The following NPAS2 variants were observed in gnomAD, a reference collection of about 807,000 sequenced individuals.
NPAS2 encodes neuronal PAS domain-containing protein 2.
A neutral mutation model predicts 107.5 loss-of-function variants in NPAS2; 23 were observed. The ratio of observed to expected loss-of-function variants is 0.21; its 90% CI spans 0.15 to 0.30. The LOEUF (loss-of-function observed/expected upper bound fraction) is 0.30, where lower values mean the gene tolerates loss of function less well. NPAS2 is among the 10% of genes least tolerant of loss of function. The pLI is 1.00. For missense variants in NPAS2, 756 were observed against 1,043.3 expected (o/e 0.72, Z 3.79); for synonymous variants, 403 against 417.5 (o/e 0.97, Z 0.42).
chr2:100,977,331 C>T lies in NPAS2; in HGVS notation c.1393-379C>T, dbSNP rs189395414. ...GCAGCTCATGGTAGCAGTCCACGCA[C>T]GTCGTCCTGCTTGATGACACCGCTA... On this transcript the variant is annotated intron_variant, in intron 14 of 20. Coordinates refer to ENST00000335681, the MANE Select transcript of NPAS2 (RefSeq NM_002518.4). Among the ~76,000 whole-genome samples the T allele has an allele frequency of 1.8e-3, 280 of 152,318 alleles. 3 individuals carry two copies. Among genetic ancestry groups the T allele is most frequent in the African/African-American group, 6.4e-3 (264 of 41,572 alleles).
At chr2:100,863,366 C>G (rs962258224) in intron 1 of NPAS2, among the ~76,000 whole-genome samples, 1 of 152,136 alleles carries the variant, frequency 6.6e-6, no homozygotes, top group African/African-American at 2.4e-5. Flanking sequence ...GATGGGAACC[C>G]CATGCAGTTA....
intron 2 of NPAS2, among the ~76,000 whole-genome samples, chr2:100,923,836 G>A (rs966502521): frequency 3.3e-5 from 5 of 152,218 alleles, no homozygotes; most frequent in South Asian, 2.1e-4. Context: ...TGTCATTGAA[G>A]ATGGAGGCCC....
rs117623721 is a variant in NPAS2 at position 100,861,898 on chromosome 2, C to T, written c.-23+41484C>T. Among the ~76,000 whole-genome samples the T allele has an allele frequency of 3.9e-5, 6 of 152,220 alleles. No homozygotes were observed. In the East Asian group the frequency reaches 7.7e-4, roughly 20 times the overall value. ...CTGCACCATCCTATGACTACCAACC[C>T]GGTGGACTGGGGAAGATGTCAACAG... On this transcript the variant is annotated intron_variant, in intron 1 of 20. Coordinates refer to ENST00000335681, the MANE Select transcript of NPAS2 (RefSeq NM_002518.4).
intron 1 of NPAS2, among the ~76,000 whole-genome samples, chr2:100,840,388 T>G (rs1380989106): frequency 1.3e-5 from 2 of 152,162 alleles, no homozygotes; most frequent in Non-Finnish European, 1.5e-5. Flanking sequence ...AGAGTAGACT[T>G]GCTCTATCCA....
chr2:100,906,145 T>A (rs920087), intron 2 of NPAS2, among the ~76,000 whole-genome samples: 95,675 of 151,684 alleles, frequency 0.63, 30,960 homozygotes, highest in Non-Finnish European at 0.72. Flanking sequence ...CATCAGTGCA[T>A]AGAACTCCCC....
rs764255093 is a variant in NPAS2, at chr2:100,977,616, G to A, written c.1393-94G>A. 7.7e-6 allele frequency: 8 copies of A among 1,044,318 alleles called. No homozygotes were observed. In the South Asian group the frequency reaches 9.1e-5, roughly 12 times the overall value. The allele number at this position is 1,044,318 out of a possible 1,614,324, so 64.7% of individuals were successfully genotyped here. A position where few individuals can be genotyped will look rare whatever the true frequency, so the allele number is the denominator to read the frequency against. Reference sequence around the variant, plus strand: ...TTGACTTGGAGCTGTTCACCCCAGTGCGGAACGCAGAGAACCCACCGGACC... The same window carrying A: ...TTGACTTGGAGCTGTTCACCCCAGTACGGAACGCAGAGAACCCACCGGACC... On this transcript the variant is annotated intron_variant, in intron 14 of 20. Transcript: ENST00000335681.
Position 100,996,798 on chromosome 2 carries a change from AT to A in NPAS2, c.*1220del, listed in dbSNP as rs1161068506. 4 of 152,226 alleles carry A rather than the reference AT, an allele frequency of 2.6e-5. No homozygotes were observed. The highest frequency in any genetic ancestry group is 6.5e-5 in the Admixed American group (1 of 15,280). 9.4% of individuals were successfully genotyped at this position (152,226 alleles called of 1,614,324 possible). ...TTCTTGTGTTTTTCTGTGAGTGAAA[AT>A]TTTGTAATAAATTAACAAATTTGTA... On this transcript the variant is annotated 3_prime_UTR_variant, in exon 21 of 21. Coordinates refer to ENST00000335681, the MANE Select transcript of NPAS2 (RefSeq NM_002518.4).
At chr2:100,994,096 C>T (rs1293780171) in intron 20 of NPAS2, 5 of 152,292 alleles carry the variant, frequency 3.3e-5, no homozygotes, top group Non-Finnish European at 1.5e-5. Context: ...TCCGCAGGTT[C>T]ACGTGGGAGC....
rs200433021 is a variant in NPAS2, at chr2:100,967,930, GCAGCTCCAAAGA to G, written c.908-344_908-333del. ...TCTGGATGCTCTCTCCTGGGCTCCT[GCAGCTCCAAAGA>G]CAGCTCTGCCTGCGGCGGGAGGATG... On this transcript the variant is annotated intron_variant, in intron 10 of 20. Coordinates refer to ENST00000335681, the MANE Select transcript of NPAS2 (RefSeq NM_002518.4). Among the ~76,000 whole-genome samples the G allele has an allele frequency of 1.4e-3, 208 of 152,362 alleles. 5 individuals are homozygous for G. In the East Asian group the frequency reaches 0.033, roughly 24 times the overall value.
intron 1 of NPAS2, among the ~76,000 whole-genome samples, chr2:100,848,519 A>G (rs1172041451): frequency 1.3e-5 from 2 of 152,206 alleles, no homozygotes; most frequent in Non-Finnish European, 2.9e-5. Context: ...GAATTGACCC[A>G]CACAGTTTGG....
chr2:100,983,151 G>A (rs1677565245), intron 16 of NPAS2: 1 of 152,176 alleles, frequency 6.6e-6, no homozygotes, highest in African/African-American at 2.4e-5. Context: ...TCTGCCCTGG[G>A]AGCACTAAGC....
intron 3 of NPAS2, among the ~76,000 whole-genome samples, chr2:100,930,256 G>T (rs1177108294): frequency 1.3e-5 from 2 of 152,182 alleles, no homozygotes; most frequent in Non-Finnish European, 2.9e-5. Context: ...GATGGAAGAT[G>T]AGGTGGGGAG....
chr2:100,878,353 C>T (rs1439442119), intron 1 of NPAS2: 1 of 985,318 alleles, frequency 1.0e-6, no homozygotes, highest in Admixed American at 6.1e-5. Context: ...GACTGTCACC[C>T]ACAACGGAAT....
intron 7 of NPAS2, among the ~76,000 whole-genome samples, chr2:100,954,538 G>A (rs1675436988): frequency 1.3e-5 from 2 of 152,044 alleles, no homozygotes. Flanking sequence ...GTTGGCACAT[G>A]CCTGTAATCC....
chr2:100,931,306 T>C (rs550365973), intron 3 of NPAS2, among the ~76,000 whole-genome samples: 7 of 152,118 alleles, frequency 4.6e-5, no homozygotes, highest in Non-Finnish European at 8.8e-5. Flanking sequence ...TCATAGCAGC[T>C]CTTTTCTGCC....
At chr2:100,982,609 A>G (rs6719437) in intron 16 of NPAS2, 174,990 of 570,310 alleles carry the variant, frequency 0.31, 28,211 homozygotes, top group Middle Eastern at 0.37. Context: ...CCTCACTCTG[A>G]CAGGCACATC....
intron 1 of NPAS2, among the ~76,000 whole-genome samples, chr2:100,822,971 G>A (rs886703960): frequency 2.0e-5 from 3 of 152,182 alleles, no homozygotes; most frequent in African/African-American, 7.2e-5. Flanking sequence ...TGATTAGCAT[G>A]TTCCTGATCC....
chr2:100,829,395 C>T (rs976851069), intron 1 of NPAS2, among the ~76,000 whole-genome samples: 13 of 152,170 alleles, frequency 8.5e-5, no homozygotes, highest in East Asian at 5.8e-4. Context: ...TCAAGTGATC[C>T]GCCCGCCTGA....
At chr2:100,835,696 A>T (rs1218162889) in intron 1 of NPAS2, among the ~76,000 whole-genome samples, 1 of 152,180 alleles carries the variant, frequency 6.6e-6, no homozygotes, top group Non-Finnish European at 1.5e-5. Flanking sequence ...AGCTGAGCTT[A>T]ACCTAGAAGC....
Sources: gnomAD v4.1 joint callset for allele counts (sites outside exome capture counted in the v4.1 genomes callset) on GRCh38, gnomAD v4.1.1 for gene constraint, MANE v1.5 for transcripts, NCBI Gene and HGNC (gene_info 2026-07-23, HGNC 2026-07-21) for gene names.